The following CHRNA7 variants were observed in gnomAD, a reference collection of about 807,000 sequenced individuals.
CHRNA7 encodes neuronal acetylcholine receptor subunit alpha-7.
Under a neutral mutation model 48.0 loss-of-function variants are expected in CHRNA7, and 17 were observed. The observed-to-expected ratio is 0.35, with a 90% CI of 0.24 to 0.53. The LOEUF (loss-of-function observed/expected upper bound fraction) is 0.53, where lower values mean the gene tolerates loss of function less well. Ranked by LOEUF, CHRNA7 falls within the 20% of genes least tolerant of loss-of-function variation. The pLI is 0.92. For synonymous variants in CHRNA7, 75 were observed against 242.3 expected (o/e 0.31, Z 6.41); for missense variants, 155 against 577.7 (o/e 0.27, Z 7.50).
chr15:32,039,502 ATTC>A (rs2049409733), intron 2 of CHRNA7, among the ~76,000 whole-genome samples: 1 of 152,134 alleles, frequency 6.6e-6, no homozygotes, highest in African/African-American at 2.4e-5. Context: ...TCTCTTGAGA[ATTC>A]TTCTTTGAGG....
At chr15:32,069,921 C>G (rs917191511) in intron 2 of CHRNA7, among the ~76,000 whole-genome samples, 6 of 152,076 alleles carry the variant, frequency 3.9e-5, no homozygotes, top group Non-Finnish European at 8.8e-5. Context: ...GGGCACTTAA[C>G]TTGAAAGTAC....
chr15:32,146,678 C>G (rs936407632), intron 4 of CHRNA7, among the ~76,000 whole-genome samples: 8 of 152,100 alleles, frequency 5.3e-5, no homozygotes, highest in African/African-American at 1.9e-4. Context: ...TAAGAAAGAA[C>G]AACATAAATG....
At chr15:32,043,875 C>T (rs1368034454) in intron 2 of CHRNA7, among the ~76,000 whole-genome samples, 1 of 152,132 alleles carries the variant, frequency 6.6e-6, no homozygotes, top group African/African-American at 2.4e-5. Flanking sequence ...CACAATTTCT[C>T]CATGTTTGTT....
chr15:32,104,279 C>G (rs6494224), intron 3 of CHRNA7, among the ~76,000 whole-genome samples: 39 of 152,178 alleles, frequency 2.6e-4, no homozygotes, highest in African/African-American at 8.7e-4. Context: ...CGTGCCCCCC[C>G]CTCAGGGCCT....
At chr15:32,085,288 T>C (rs1042901470) in intron 2 of CHRNA7, among the ~76,000 whole-genome samples, 1 of 152,218 alleles carries the variant, frequency 6.6e-6, no homozygotes, top group Admixed American at 6.5e-5. Context: ...AAACCCCCCA[T>C]GTAGGCCCTT....
At position 32,089,640 on chromosome 15, in the gene CHRNA7, C is replaced by G. The variant is rs78764527; in HGVS notation, c.196-11663C>G. Among the ~76,000 whole-genome samples, 460 of 152,224 alleles carry G rather than the reference C, an allele frequency of 3.0e-3. 11 individuals carry two copies. In the East Asian group the frequency reaches 0.052, roughly 17 times the overall value. ...CCTTTAGCACCTTTAGCATATTTAT[C>G]ACATTATTTTAAATTTCTTATGTGA... is the stretch of plus-strand genomic sequence containing the variant. On this transcript the variant is annotated intron_variant, in intron 2 of 9. Transcript: ENST00000306901.
intron 2 of CHRNA7, among the ~76,000 whole-genome samples, chr15:32,083,733 A>G (rs1050601438): frequency 5.9e-5 from 9 of 152,192 alleles, no homozygotes; most frequent in Non-Finnish European, 1.2e-4. Context: ...CATATATAAC[A>G]AAAGGTCATT....
chr15:32,142,185 T>C (rs577774170), intron 4 of CHRNA7, among the ~76,000 whole-genome samples: 4 of 152,198 alleles, frequency 2.6e-5, no homozygotes, highest in Non-Finnish European at 5.9e-5. Flanking sequence ...AATCATGTGG[T>C]TTTTGTCATT....
At chr15:32,086,358 A>T (rs1174229599) in intron 2 of CHRNA7, among the ~76,000 whole-genome samples, 2 of 93,306 alleles carry the variant, frequency 2.1e-5, no homozygotes, top group East Asian at 5.7e-4. Flanking sequence ...ACAGAGCGAG[A>T]CTCCATCTCA....
chr15:32,072,165 A>G (rs933772953), intron 2 of CHRNA7, among the ~76,000 whole-genome samples: 1 of 152,234 alleles, frequency 6.6e-6, no homozygotes, highest in African/African-American at 2.4e-5. Context: ...GTTACACCCT[A>G]GCAGATAACT....
chr15:32,063,005 G>T (rs1341706101), intron 2 of CHRNA7, among the ~76,000 whole-genome samples: 1 of 152,130 alleles, frequency 6.6e-6, no homozygotes, highest in Non-Finnish European at 1.5e-5. Context: ...CAATTGTAAT[G>T]CAATTGTAAG....
intron 4 of CHRNA7, among the ~76,000 whole-genome samples, chr15:32,138,484 C>A (rs1275409110): frequency 6.6e-6 from 1 of 151,636 alleles, no homozygotes; most frequent in African/African-American, 2.4e-5. Flanking sequence ...ATCAACATCC[C>A]CCACCAGGGC....
chr15:32,109,016 G>A (rs577741586), intron 3 of CHRNA7, among the ~76,000 whole-genome samples: 71 of 152,188 alleles, frequency 4.7e-4, no homozygotes, highest in Middle Eastern at 6.8e-3. Context: ...AAAGGGTTCC[G>A]ATCCAGACCC....
intron 2 of CHRNA7, among the ~76,000 whole-genome samples, chr15:32,052,291 A>T (rs554540603): frequency 6.6e-6 from 1 of 152,182 alleles, no homozygotes; most frequent in Non-Finnish European, 1.5e-5. Context: ...AGCAGAACAG[A>T]AATTCTAAGT....
chr15:32,039,160 T>G (rs1293690219), intron 2 of CHRNA7, among the ~76,000 whole-genome samples: 1 of 152,170 alleles, frequency 6.6e-6, no homozygotes, highest in Non-Finnish European at 1.5e-5. Flanking sequence ...TTTTTCTTAT[T>G]TAGCCTGGCT....
intron 4 of CHRNA7, among the ~76,000 whole-genome samples, chr15:32,125,248 C>T (rs1329822144): frequency 3.9e-5 from 6 of 152,194 alleles, no homozygotes. Context: ...ATGGAAAGAA[C>T]AGACCTCATT....
intron 2 of CHRNA7, among the ~76,000 whole-genome samples, chr15:32,041,316 C>G (rs1300815118): frequency 6.6e-6 from 1 of 152,210 alleles, no homozygotes; most frequent in Non-Finnish European, 1.5e-5. Flanking sequence ...GACAATTTTT[C>G]CATAGACTGT....
chr15:32,059,313 T>C (rs1300931234), intron 2 of CHRNA7, among the ~76,000 whole-genome samples: 2 of 152,188 alleles, frequency 1.3e-5, no homozygotes, highest in Non-Finnish European at 2.9e-5. Context: ...ATTTGCTCAT[T>C]AAATGAATGG....
chr15:32,042,412 C>T (rs998083671), intron 2 of CHRNA7, among the ~76,000 whole-genome samples: 5 of 152,178 alleles, frequency 3.3e-5, no homozygotes, highest in Non-Finnish European at 5.9e-5. Context: ...AATTCTGGCA[C>T]ATTTCCAAGT....
Sources: gnomAD v4.1 joint callset for allele counts (sites outside exome capture counted in the v4.1 genomes callset) on GRCh38, gnomAD v4.1.1 for gene constraint, MANE v1.5 for transcripts, NCBI Gene and HGNC (gene_info 2026-07-23, HGNC 2026-07-21) for gene names.